Variants in SH3GL3 observed in about 807,000 individuals in gnomAD.
SH3GL3 encodes SH3 domain containing GRB2 like 3, endophilin A3.
In SH3GL3, 33 loss-of-function variants were observed where a neutral mutation model predicts 47.7. The ratio of observed to expected loss-of-function variants is 0.69; its 90% CI spans 0.52 to 0.92. SH3GL3 has a LOEUF of 0.92. Among genes scored for constraint, SH3GL3 ranks in the 40% least tolerant of loss-of-function variants. The pLI is 0.00. For missense variants in SH3GL3, 363 were observed against 417.8 expected, an observed-to-expected ratio of 0.87 and a Z score of 1.14; for synonymous variants, 155 against 148.8, an observed-to-expected ratio of 1.04 and a Z score of -0.30.
At chr15:83,542,051 T>C (rs1009763783) in intron 1 of SH3GL3, among the ~76,000 whole-genome samples, 9 of 152,220 alleles carry the variant, frequency 5.9e-5, no homozygotes, top group Non-Finnish European at 1.2e-4. Flanking sequence ...CCAAAATCAG[T>C]GTCCTGGAGA....
At chr15:83,476,600 A>G (rs2041110191) in intron 1 of SH3GL3, among the ~76,000 whole-genome samples, 1 of 152,272 alleles carries the variant, frequency 6.6e-6, no homozygotes, top group Admixed American at 6.5e-5. Flanking sequence ...AAAAAAATCA[A>G]AAGAATAAAA....
intron 1 of SH3GL3, among the ~76,000 whole-genome samples, chr15:83,557,801 G>A (rs1328120483): frequency 6.6e-6 from 1 of 152,162 alleles, no homozygotes; most frequent in Non-Finnish European, 1.5e-5. Flanking sequence ...GTCAAAACAA[G>A]TCACAAGCCC....
chr15:83,612,736 A>G (rs2585055), intron 8 of SH3GL3, among the ~76,000 whole-genome samples: 131,024 of 152,122 alleles, frequency 0.86, 56,951 homozygotes, highest in African/African-American at 0.96. Flanking sequence ...CTGCCTCCAG[A>G]AAGAGCTTGT....
intron 8 of SH3GL3, among the ~76,000 whole-genome samples, chr15:83,610,997 A>G: frequency 6.6e-6 from 1 of 150,508 alleles, no homozygotes; most frequent in South Asian, 2.1e-4. Context: ...ATATATATAT[A>G]TAATATGTAT....
At chr15:83,570,881 G>C (rs1440213380) in intron 4 of SH3GL3, among the ~76,000 whole-genome samples, 1 of 152,222 alleles carries the variant, frequency 6.6e-6, no homozygotes, top group African/African-American at 2.4e-5. Context: ...CATCAGTGAA[G>C]GGAGCAGGTG....
intron 1 of SH3GL3, among the ~76,000 whole-genome samples, chr15:83,512,555 C>A (rs771352353): frequency 6.6e-6 from 1 of 152,142 alleles, no homozygotes; most frequent in Non-Finnish European, 1.5e-5. Flanking sequence ...GGCTTTCCTG[C>A]ACATTAGAAT....
At chr15:83,501,427 T>C (rs191005245) in intron 1 of SH3GL3, among the ~76,000 whole-genome samples, 1 of 152,344 alleles carries the variant, frequency 6.6e-6, no homozygotes, top group African/African-American at 2.4e-5. Context: ...CCTTTGCTAA[T>C]CATGATCCTG....
intron 8 of SH3GL3, 27 bp downstream of exon 8, chr15:83,588,798 G>A: frequency 1.6e-6 from 2 of 1,231,998 alleles, no homozygotes; most frequent in East Asian, 2.3e-5. Flanking sequence ...AATATGCTAA[G>A]TGTGCCTTTA....
intron 8 of SH3GL3, among the ~76,000 whole-genome samples, chr15:83,602,890 G>T (rs1284650394): frequency 6.6e-6 from 1 of 152,184 alleles, no homozygotes; most frequent in Non-Finnish European, 1.5e-5. Flanking sequence ...GGGCTTTGGA[G>T]GGCTACCTTC....
chr15:83,473,196 C>T (rs1307642465), intron 1 of SH3GL3, among the ~76,000 whole-genome samples: 1 of 150,794 alleles, frequency 6.6e-6, no homozygotes, highest in East Asian at 2.0e-4. Flanking sequence ...GTTCAGGCTC[C>T]CCACATGCTG....
At chr15:83,525,746 G>A (rs1455828055) in intron 1 of SH3GL3, among the ~76,000 whole-genome samples, 1 of 152,062 alleles carries the variant, frequency 6.6e-6, no homozygotes, top group Non-Finnish European at 1.5e-5. Flanking sequence ...TATGGATACC[G>A]AGTTTTCCGA....
chr15:83,621,239 C>T (rs1354645268), downstream of SH3GL3, among the ~76,000 whole-genome samples: 2 of 152,212 alleles, frequency 1.3e-5, no homozygotes, highest in Non-Finnish European at 2.9e-5. Flanking sequence ...CTAACTGAGG[C>T]AAGAGGCCTA....
At chr15:83,463,464 A>G (rs887421517) in intron 1 of SH3GL3, among the ~76,000 whole-genome samples, 1 of 152,200 alleles carries the variant, frequency 6.6e-6, no homozygotes, top group Non-Finnish European at 1.5e-5. Context: ...TAGCTGTGCT[A>G]TGGTGAGATT....
rs754129237 is a variant in SH3GL3 at position 83,576,708 on chromosome 15, T to A, written c.591T>A (p.Ala197=). 2 of 1,611,888 alleles carry A rather than the reference T, an allele frequency of 1.2e-6. No homozygotes were observed. The highest frequency in any genetic ancestry group is 1.7e-6 in the Non-Finnish European group (2 of 1,179,050). The change falls in exon 6 of 9, where the codon GCT becomes GCA. Residue 197 remains alanine, a synonymous_variant. Coordinates refer to ENST00000427482, the MANE Select transcript of SH3GL3 (RefSeq NM_003027.5). The part of the protein sequence containing the change: ...VEKFEESKEL[A]ERSMFNFLEN... ...AATTTGAAGAGTCAAAGGAGTTGGC[T>A]GAAAGAAGCATGTTTAACTTTTTAG...
At chr15:83,476,974 TG>T (rs776591456) in intron 1 of SH3GL3, among the ~76,000 whole-genome samples, 1 of 152,236 alleles carries the variant, frequency 6.6e-6, no homozygotes, top group Non-Finnish European at 1.5e-5. Flanking sequence ...TTTTTCATCC[TG>T]GTGACCTGGG....
At chr15:83,569,288 G>A (rs2045703765) in intron 4 of SH3GL3, among the ~76,000 whole-genome samples, 1 of 152,036 alleles carries the variant, frequency 6.6e-6, no homozygotes, top group African/African-American at 2.4e-5. Flanking sequence ...ATACTCTTTG[G>A]TAACACTGAC....
At chr15:83,606,258 A>T (rs373245322) in intron 8 of SH3GL3, among the ~76,000 whole-genome samples, 68 of 152,182 alleles carry the variant, frequency 4.5e-4, no homozygotes, top group African/African-American at 1.5e-3. Flanking sequence ...CTAATTCTCT[A>T]GGTATAAAAG....
intron 1 of SH3GL3, among the ~76,000 whole-genome samples, chr15:83,464,250 T>C (rs1348777402): frequency 4.6e-5 from 7 of 152,180 alleles, no homozygotes. Context: ...CTTCTGTACT[T>C]GCTCAGATTT....
chr15:83,591,434 A>G (rs1293318883), intron 8 of SH3GL3, among the ~76,000 whole-genome samples: 1 of 150,996 alleles, frequency 6.6e-6, no homozygotes, highest in Non-Finnish European at 1.5e-5. Flanking sequence ...TAAGCTGCAC[A>G]GTGTGAATTT....
Sources: gnomAD v4.1 joint callset for allele counts (sites outside exome capture counted in the v4.1 genomes callset) on GRCh38, gnomAD v4.1.1 for gene constraint, MANE v1.5 for transcripts, NCBI Gene and HGNC (gene_info 2026-07-23, HGNC 2026-07-21) for gene names.